VKORC1L1: variants seen among roughly 807,000 people sequenced by gnomAD.
VKORC1L1 encodes the protein vitamin K epoxide reductase complex subunit 1L1, also known as vitamin K epoxide reductase complex subunit 1-like protein 1.
VKORC1L1 carries 2 observed loss-of-function variants against 18.9 expected under a neutral mutation model. The ratio of observed to expected loss-of-function variants is 0.11; its 90% CI spans 0.04 to 0.33. The LOEUF (loss-of-function observed/expected upper bound fraction) is 0.33. Among genes scored for constraint, VKORC1L1 ranks in the 10% least tolerant of loss-of-function variants. The probability of loss-of-function intolerance (pLI) is 1.00; values close to 1 mark genes in which losing one functional copy is unlikely to be tolerated. For missense variants in VKORC1L1, 123 were observed against 224.1 expected (o/e 0.55, Z 2.88); for synonymous variants, 96 against 100.0 (o/e 0.96, Z 0.24).
At chr7:65,931,272 C>G (rs1271869335) in intron 1 of VKORC1L1, among the ~76,000 whole-genome samples, 2 of 151,302 alleles carry the variant, frequency 1.3e-5, no homozygotes, top group Non-Finnish European at 2.9e-5. Context: ...AAGAAGTGTT[C>G]CCTCCTCTTC....
At chr7:65,867,258 C>T in the VKORC1L1 span, among the ~76,000 whole-genome samples, 1 of 151,852 alleles carries the variant, frequency 6.6e-6, no homozygotes, top group South Asian at 2.1e-4. Flanking sequence ...CTCTGAGCAG[C>T]CATGAAGAGT....
At chr7:65,936,127 A>G (rs961599564) in intron 1 of VKORC1L1, among the ~76,000 whole-genome samples, 1 of 151,250 alleles carries the variant, frequency 6.6e-6, no homozygotes, top group Non-Finnish European at 1.5e-5. Flanking sequence ...TTTTAGTTCT[A>G]TAGTTTCCAT....
intron 1 of VKORC1L1, among the ~76,000 whole-genome samples, chr7:65,876,623 T>C (rs1251566847): frequency 6.6e-6 from 1 of 152,216 alleles, no homozygotes; most frequent in Non-Finnish European, 1.5e-5. Context: ...TAGCAGTCCC[T>C]GCCCCCTTGG....
Position 65,956,351 on chromosome 7 carries a change from C to T in VKORC1L1, c.*2051C>T, listed in dbSNP as rs1454518810. ...CATCGGTTGTGCTAAACAAGTTCCT[C>T]GTGTCCCAATATCCAATGGTTTTTC... On this transcript the variant is annotated 3_prime_UTR_variant, in exon 3 of 3. Coordinates refer to ENST00000360768, the MANE Select transcript of VKORC1L1 (RefSeq NM_173517.6). The T allele has an allele frequency of 2.0e-5, 3 of 152,142 alleles. No individual in the cohort carries two copies. Among genetic ancestry groups the T allele is most frequent in the Non-Finnish European group, 2.9e-5 (2 of 68,030 alleles). The allele number at this position is 152,142 out of a possible 1,614,324, so 9.4% of individuals were successfully genotyped here.
chr7:65,945,039 T>C (rs1317917223), intron 1 of VKORC1L1, among the ~76,000 whole-genome samples: 3 of 151,964 alleles, frequency 2.0e-5, no homozygotes, highest in Non-Finnish European at 4.4e-5. Context: ...GGCGTACGGA[T>C]GACCTGAGGT....
intron 1 of VKORC1L1, among the ~76,000 whole-genome samples, chr7:65,923,041 T>G (rs983698206): frequency 3.3e-5 from 5 of 152,154 alleles, no homozygotes; most frequent in Admixed American, 2.6e-4. Context: ...AGTAGAGCAT[T>G]TGATCATAGG....
At chr7:65,871,477 G>A (rs186455386), upstream of VKORC1L1, among the ~76,000 whole-genome samples, 14 of 152,248 alleles carry the variant, frequency 9.2e-5, no homozygotes, top group African/African-American at 2.2e-4. Context: ...TTACAGGTGT[G>A]AGCCACCATG....
intron 1 of VKORC1L1, among the ~76,000 whole-genome samples, chr7:65,912,717 C>T (rs1254109351): frequency 6.6e-6 from 1 of 151,978 alleles, no homozygotes; most frequent in Non-Finnish European, 1.5e-5. Context: ...AGGAAATACT[C>T]CTCCCACCCA....
intron 1 of VKORC1L1, among the ~76,000 whole-genome samples, chr7:65,909,363 T>C (rs999402793): frequency 6.6e-6 from 1 of 152,038 alleles, no homozygotes; most frequent in East Asian, 1.9e-4. Context: ...GAGAAACCAT[T>C]GTTACCGAGA....
At chr7:65,874,367 G>A (rs1322996032) in intron 1 of VKORC1L1, among the ~76,000 whole-genome samples, 1 of 151,908 alleles carries the variant, frequency 6.6e-6, no homozygotes, top group Non-Finnish European at 1.5e-5. Context: ...ACTTTTAAAC[G>A]TTGTTGCCTA....
chr7:65,869,667 T>TC (rs1451419415), upstream of VKORC1L1, among the ~76,000 whole-genome samples: 1 of 139,258 alleles, frequency 7.2e-6, no homozygotes, highest in African/African-American at 2.7e-5. Context: ...TTTTTTTTTT[T>TC]AGAGACAGGG....
chr7:65,883,711 G>A (rs1222496365), intron 1 of VKORC1L1, among the ~76,000 whole-genome samples: 1 of 151,634 alleles, frequency 6.6e-6, no homozygotes, highest in Admixed American at 6.6e-5. Context: ...TGTTGGCCAG[G>A]CTGGTCTCGA....
intron 2 of VKORC1L1, among the ~76,000 whole-genome samples, chr7:65,952,215 G>T (rs2115750014): frequency 6.6e-6 from 1 of 152,334 alleles, no homozygotes; most frequent in African/African-American, 2.4e-5. Context: ...AATGTTAGTT[G>T]TTTAGCATAG....
intron 1 of VKORC1L1, among the ~76,000 whole-genome samples, chr7:65,913,190 A>G (rs1461149410): frequency 6.6e-6 from 1 of 152,200 alleles, no homozygotes; most frequent in East Asian, 1.9e-4. Flanking sequence ...AATTTTTATG[A>G]AATATATATC....
intron 1 of VKORC1L1, among the ~76,000 whole-genome samples, chr7:65,908,581 T>C (rs1789445310): frequency 6.6e-6 from 1 of 152,202 alleles, no homozygotes; most frequent in African/African-American, 2.4e-5. Flanking sequence ...CTCATGCCTG[T>C]AATCCCGGCA....
At chr7:65,884,616 G>A (rs1276009791) in intron 1 of VKORC1L1, among the ~76,000 whole-genome samples, 5 of 152,122 alleles carry the variant, frequency 3.3e-5, no homozygotes, top group Admixed American at 6.5e-5. Flanking sequence ...CAGCCTGGGC[G>A]ACAGAGTGAG....
intron 1 of VKORC1L1, among the ~76,000 whole-genome samples, chr7:65,899,789 C>T (rs1318928054): frequency 1.3e-5 from 2 of 151,460 alleles, no homozygotes; most frequent in African/African-American, 2.4e-5. Flanking sequence ...CATCTTAGGT[C>T]AGGAGTTTGA....
chr7:65,941,244 T>C (rs1217887218), intron 1 of VKORC1L1, among the ~76,000 whole-genome samples: 1 of 152,214 alleles, frequency 6.6e-6, no homozygotes, highest in African/African-American at 2.4e-5. Context: ...TAGCTGGGAC[T>C]ACAGGCATGT....
chr7:65,938,353 T>C (rs1409785850), intron 1 of VKORC1L1, among the ~76,000 whole-genome samples: 4 of 152,142 alleles, frequency 2.6e-5, no homozygotes, highest in Admixed American at 2.0e-4. Flanking sequence ...GAGTATATCA[T>C]GGTAATCTCC....
Sources: gnomAD v4.1 joint callset for allele counts (sites outside exome capture counted in the v4.1 genomes callset) on GRCh38, gnomAD v4.1.1 for gene constraint, MANE v1.5 for transcripts, NCBI Gene and HGNC (gene_info 2026-07-23, HGNC 2026-07-21) for gene names.